PALM2AKAP2: variants seen among roughly 807,000 people sequenced by gnomAD.
PALM2AKAP2 encodes PALM2-AKAP2 fusion protein.
In PALM2AKAP2, 37 loss-of-function variants were observed where a neutral mutation model predicts 71.5. The observed-to-expected ratio is 0.52, with a 90% CI of 0.40 to 0.68. The LOEUF (loss-of-function observed/expected upper bound fraction) is 0.68. Among genes scored for constraint, PALM2AKAP2 ranks in the 30% least tolerant of loss-of-function variants. PALM2AKAP2 has a pLI of 0.00. For synonymous variants in PALM2AKAP2, 468 were observed against 478.8 expected (o/e 0.98, Z 0.29); for missense variants, 1,224 against 1,191.8 (o/e 1.03, Z -0.40).
rs749937383 is a variant in PALM2AKAP2, at chr9:110,006,098, C to T, written c.497-9856C>T. On this transcript the variant is annotated intron_variant, in intron 6 of 9. Coordinates refer to the PALM2AKAP2 transcript ENST00000302798. ...GTACCTCAGTTGGAAATGCAGAAAT[C>T]GTTTGTCTTCTGCGTCACTCATGCT... Among the ~76,000 whole-genome samples the T allele has an allele frequency of 5.3e-5, 8 of 152,290 alleles. No homozygotes were observed. The East Asian group carries it at 1.4e-3, about 26-fold the overall frequency.
At chr9:109,911,312 A>C (rs987280884) in intron 3 of PALM2AKAP2, among the ~76,000 whole-genome samples, 1 of 152,218 alleles carries the variant, frequency 6.6e-6, no homozygotes, top group Non-Finnish European at 1.5e-5. Flanking sequence ...ACAACAAAGA[A>C]ATCAGTGCTC....
intron 1 of PALM2AKAP2, among the ~76,000 whole-genome samples, chr9:110,125,858 T>A: frequency 6.6e-6 from 1 of 152,004 alleles, no homozygotes; most frequent in South Asian, 2.1e-4. Context: ...CCTGCACATA[T>A]AGTGCAAAGC....
At chr9:109,709,173 C>T (rs1247739816) in intron 1 of PALM2AKAP2, among the ~76,000 whole-genome samples, 1 of 152,308 alleles carries the variant, frequency 6.6e-6, no homozygotes, top group African/African-American at 2.4e-5. Context: ...GACCACAGCC[C>T]ACATCCTGGG....
chr9:109,746,145 A>G (rs1466096495), intron 1 of PALM2AKAP2, among the ~76,000 whole-genome samples: 1 of 152,180 alleles, frequency 6.6e-6, no homozygotes, highest in Non-Finnish European at 1.5e-5. Flanking sequence ...TTCCTTCTGC[A>G]CAAGAGAATG....
At chr9:110,129,148 T>A (rs898285785) in intron 1 of PALM2AKAP2, among the ~76,000 whole-genome samples, 1 of 152,206 alleles carries the variant, frequency 6.6e-6, no homozygotes, top group African/African-American at 2.4e-5. Flanking sequence ...GAAGTCACAT[T>A]TCTAGCTGAC....
chr9:110,043,714 GTGTTTTT>G (rs1833545408), upstream of PALM2AKAP2, among the ~76,000 whole-genome samples: 1 of 98,410 alleles, frequency 1.0e-5, no homozygotes, highest in Non-Finnish European at 2.0e-5. Context: ...GTTTTTTTTG[GTGTTTTT>G]TTTTTTTTTT....
chr9:109,993,801 C>A (rs1478898618), intron 6 of PALM2AKAP2, among the ~76,000 whole-genome samples: 1 of 151,238 alleles, frequency 6.6e-6, no homozygotes. Flanking sequence ...CACTCTCTTT[C>A]TCTCTGTCTC....
chr9:109,867,640 G>A (rs1829489945), intron 2 of PALM2AKAP2, 69 bp downstream of exon 2: 2 of 1,512,740 alleles, frequency 1.3e-6, no homozygotes, highest in Non-Finnish European at 1.8e-6. Flanking sequence ...GAGCTGGGCA[G>A]TGCCTGCCCT....
intron 3 of PALM2AKAP2, among the ~76,000 whole-genome samples, chr9:109,907,922 A>G (rs1433760265): frequency 6.6e-6 from 1 of 152,218 alleles, no homozygotes; most frequent in Non-Finnish European, 1.5e-5. Flanking sequence ...TTTCAGGTAC[A>G]ATTAAGTCGT....
At chr9:110,164,594 G>C (rs577177795) in intron 3 of PALM2AKAP2, among the ~76,000 whole-genome samples, 1 of 148,006 alleles carries the variant, frequency 6.8e-6, no homozygotes, top group African/African-American at 2.5e-5. Flanking sequence ...ACAGTGGTGC[G>C]ATCTCAGCTC....
At chr9:109,717,431 A>G (rs532360461) in intron 1 of PALM2AKAP2, among the ~76,000 whole-genome samples, 3 of 152,312 alleles carry the variant, frequency 2.0e-5, no homozygotes, top group Admixed American at 1.3e-4. Flanking sequence ...CTCCCAAATC[A>G]TCTTCATTTG....
intron 1 of PALM2AKAP2, among the ~76,000 whole-genome samples, chr9:109,747,773 G>GA (rs1366451103): frequency 6.6e-6 from 1 of 152,152 alleles, no homozygotes; most frequent in African/African-American, 2.4e-5. Context: ...AGACTCAATG[G>GA]ATTCTCCCAC....
chr9:109,647,250 AG>A (rs1320276904), intron 1 of PALM2AKAP2, among the ~76,000 whole-genome samples: 2 of 152,212 alleles, frequency 1.3e-5, no homozygotes, highest in Non-Finnish European at 2.9e-5. Flanking sequence ...CAGCCTGTGT[AG>A]CTCAGTGGTA....
At chr9:109,818,396 G>A (rs929858989) in intron 1 of PALM2AKAP2, among the ~76,000 whole-genome samples, 85 of 152,284 alleles carry the variant, frequency 5.6e-4, no homozygotes, top group Non-Finnish European at 6.9e-4. Context: ...TAAAATTGGC[G>A]TGGGGCACAT....
intron 1 of PALM2AKAP2, among the ~76,000 whole-genome samples, chr9:109,790,156 C>A (rs1395927011): frequency 6.6e-6 from 1 of 152,166 alleles, no homozygotes; most frequent in African/African-American, 2.4e-5. Context: ...GGCCAGACGT[C>A]GGAACACATC....
chr9:110,168,512 A>G, exon 4 of PALM2AKAP2: 1 of 1,613,618 alleles, frequency 6.2e-7, no homozygotes, highest in Non-Finnish European at 8.5e-7. Context: ...CCTTCAACCC[A>G]GGAAGCGTCT....
intron 6 of PALM2AKAP2, among the ~76,000 whole-genome samples, chr9:109,982,604 C>T (rs1207815745): frequency 1.3e-5 from 2 of 152,070 alleles, no homozygotes; most frequent in Non-Finnish European, 2.9e-5. Flanking sequence ...ACAGTGTACC[C>T]ACAAAAATTA....
At chr9:110,165,284 T>TCACA (rs58758256) in intron 3 of PALM2AKAP2, among the ~76,000 whole-genome samples, 2,887 of 142,286 alleles carry the variant, frequency 0.02, 29 homozygotes, top group Middle Eastern at 0.044. Flanking sequence ...TGCTAGAGAT[T>TCACA]CACACACACA....
chr9:109,675,108 C>T (rs1050832057), intron 1 of PALM2AKAP2, among the ~76,000 whole-genome samples: 1 of 152,050 alleles, frequency 6.6e-6, no homozygotes, highest in Non-Finnish European at 1.5e-5. Flanking sequence ...AGCTATGATG[C>T]TTGAGAGGTT....
Sources: gnomAD v4.1 joint callset for allele counts (sites outside exome capture counted in the v4.1 genomes callset) on GRCh38, gnomAD v4.1.1 for gene constraint, MANE v1.5 for transcripts, NCBI Gene and HGNC (gene_info 2026-07-23, HGNC 2026-07-21) for gene names.